The following NCLN variants were observed in gnomAD, a reference collection of about 807,000 sequenced individuals.
The protein encoded by NCLN is nicalin, also known as BOS complex subunit NCLN.
In NCLN, 34 loss-of-function variants were observed where a neutral mutation model predicts 69.5. That is an observed-to-expected ratio of 0.49 (90% CI 0.37 to 0.65). The LOEUF is 0.65. Ranked by LOEUF, NCLN falls within the 30% of genes least tolerant of loss-of-function variation. NCLN has a pLI of 0.00. For missense variants in NCLN, 710 were observed against 804.8 expected (o/e 0.88, Z 1.42); for synonymous variants, 393 against 358.3 (o/e 1.10, Z -1.09).
At chr19:3,196,357 C>A in intron 4 of NCLN, 80 bp downstream of exon 4, 2 of 1,065,872 alleles carry the variant, frequency 1.9e-6, no homozygotes, top group Non-Finnish European at 2.7e-6. Flanking sequence ...CTCGGCCGTA[C>A]TAGAGGGGAG....
chr19:3,200,700 C>T (rs757909176), intron 5 of NCLN, among the ~76,000 whole-genome samples: 1 of 152,118 alleles, frequency 6.6e-6, no homozygotes, highest in Middle Eastern at 3.2e-3. Flanking sequence ...TGTACGGTCT[C>T]CACCTCTAAT....
rs1170339246 is a variant in NCLN at position 3,205,848 on chromosome 19, T to A, written c.1209-91T>A. 8 of 1,111,138 alleles carry A rather than the reference T, an allele frequency of 7.2e-6. No homozygotes were observed. The highest frequency in any genetic ancestry group is 1.1e-5 in the Non-Finnish European group (8 of 740,266). 68.8% of individuals were successfully genotyped at this position (1,111,138 alleles called of 1,614,324 possible). ...TTTTTAAAGACAGAGTCTCACGGTC[T>A]CCTAGGCTGGAGTGCTGGGATTACA... On this transcript the variant is annotated intron_variant, in intron 9 of 14. Transcript: ENST00000246117. The surrounding 1 kb of genome is among the most constrained non-coding windows in gnomAD (Gnocchi z 4.6).
At chr19:3,206,066 G>GCCCTGCC in intron 10 of NCLN, 40 bp downstream of exon 10, 3 of 1,592,430 alleles carry the variant, frequency 1.9e-6, no homozygotes, top group Non-Finnish European at 2.6e-6. Flanking sequence ...CCCAGCCCCA[G>GCCCTGCC]CCCTGCCCCC....
intron 7 of NCLN, 22 bp from the exon 8 acceptor site, chr19:3,203,983 G>A (rs372275414): frequency 2.6e-5 from 41 of 1,551,120 alleles, no homozygotes; most frequent in Non-Finnish European, 2.8e-5. Context: ...CACCCACCCC[G>A]CCAGCTCTCG....
chr19:3,206,335 A>G lies in NCLN; in HGVS notation c.1409A>G (p.Asp470Gly), dbSNP rs1599360299. 1 of 1,548,330 alleles carries G rather than the reference A, an allele frequency of 6.5e-7. No homozygotes were observed. The highest frequency in any genetic ancestry group is 8.7e-7 in the Non-Finnish European group (1 of 1,146,934). Residue 470 changes from aspartate (D) to glycine (G), a missense_variant, in exon 12 of 15, where the codon GAC (aspartate) becomes GGC (glycine). Physicochemically the swap from Asp to Gly is moderately conservative, Grantham distance 94. Coordinates refer to ENST00000246117, the MANE Select transcript of NCLN (RefSeq NM_020170.4). ...TNQPRAAQLV[D>G]KDSTFLSTLE... is the part of the protein sequence containing the mutation. ...CAGCCGCGGGCCGCGCAGCTGGTGG[A>G]CAAGGACAGCACCTTCCTCAGCACG...
In NCLN at chr19:3,205,356, A is replaced by G. The variant is rs910483689; in HGVS notation, c.1209-583A>G. On this transcript the variant is annotated intron_variant, in intron 9 of 14. Coordinates refer to ENST00000246117, the MANE Select transcript of NCLN (RefSeq NM_020170.4). The surrounding 1 kb of genome is among the most constrained non-coding windows in gnomAD (Gnocchi z 4.6). ...CGGCATAGATCCTTCCCGTTCATCCACTCTGCTCTGCGGTCACTGGGCCCT... is the reference window on the plus strand; with the variant it reads ...CGGCATAGATCCTTCCCGTTCATCCGCTCTGCTCTGCGGTCACTGGGCCCT... Among the ~76,000 whole-genome samples, 5 of 151,806 alleles carry G rather than the reference A, an allele frequency of 3.3e-5. No homozygotes were observed. The highest frequency in any genetic ancestry group is 5.9e-5 in the Non-Finnish European group (4 of 67,902).
rs1179721441 is a variant in NCLN, at chr19:3,206,432, C to T, written c.1499+7C>T. On this transcript the variant is annotated splice_region_variant and intron_variant, in intron 12 of 14. Coordinates refer to ENST00000246117, the MANE Select transcript of NCLN (RefSeq NM_020170.4). The stretch of plus-strand genomic sequence containing the variant: ...ACGTCAAGGCTGACAAGCGGTGAGG[C>T]TGGGGCTCCGCGCTGGCCCCGTTCA... 1.3e-6 allele frequency: 2 copies of T among 1,544,278 alleles called. No homozygotes were observed. Among genetic ancestry groups the T allele is most frequent in the East Asian group, 2.4e-5 (1 of 40,900 alleles).
intron 4 of NCLN, among the ~76,000 whole-genome samples, chr19:3,197,809 C>T (rs1309348066): frequency 6.6e-6 from 1 of 152,084 alleles, no homozygotes; most frequent in African/African-American, 2.4e-5. Context: ...TTGGTAGAGA[C>T]GGGGTTTCAC....
At position 3,209,145 on chromosome 19, in the gene NCLN, C is replaced by T. The variant is rs1916365807; in HGVS notation, c.*1457C>T. 6.6e-6 allele frequency: 1 copy of T among 152,256 alleles called. No homozygotes were observed. The highest frequency in any genetic ancestry group is 2.1e-4 in the South Asian group (1 of 4,832). 9.4% of individuals were successfully genotyped at this position (152,256 alleles called of 1,614,324 possible). A position where few individuals can be genotyped will look rare whatever the true frequency, so the allele number is the denominator to read the frequency against. ...GTCCAGATAGGACCAGGGGGTCTCA[C>T]TTTGGCCACCAGTTCTTCGGCCAGC... On this transcript the variant is annotated 3_prime_UTR_variant, in exon 15 of 15. Transcript: ENST00000246117.
chr19:3,191,978 C>T (rs1915837811), intron 1 of NCLN, among the ~76,000 whole-genome samples: 2 of 152,050 alleles, frequency 1.3e-5, no homozygotes, highest in African/African-American at 2.4e-5. Context: ...CACCTGGGGT[C>T]GGGAGTTTGA....
At chr19:3,200,089 GAGGGCC>G (rs1202890272) in intron 5 of NCLN, among the ~76,000 whole-genome samples, 1 of 151,936 alleles carries the variant, frequency 6.6e-6, no homozygotes, top group Non-Finnish European at 1.5e-5. Flanking sequence ...CGACCCCTTG[GAGGGCC>G]AGGCCCCCAG....
At position 3,192,405 on chromosome 19, in the gene NCLN, G is replaced by C. The variant is rs2144898588; in HGVS notation, c.185-65G>C. The C allele has an allele frequency of 1.1e-5, 15 of 1,388,486 alleles. No homozygotes were observed. In the South Asian group the frequency reaches 2.0e-4, roughly 19 times the overall value. 86.0% of individuals were successfully genotyped at this position (1,388,486 alleles called of 1,614,324 possible). A position where few individuals can be genotyped will look rare whatever the true frequency, so the allele number is the denominator to read the frequency against. On this transcript the variant is annotated intron_variant, in intron 1 of 14. Coordinates refer to ENST00000246117, the MANE Select transcript of NCLN (RefSeq NM_020170.4). ...GGCTGCTGAGTGGGTCCCTGGCCTGGATCTGTCCCCTCCCGTCGGCCTGGC... is the reference window on the plus strand; with the variant it reads ...GGCTGCTGAGTGGGTCCCTGGCCTGCATCTGTCCCCTCCCGTCGGCCTGGC...
intron 1 of NCLN, among the ~76,000 whole-genome samples, chr19:3,187,448 C>T (rs934350962): frequency 2.0e-5 from 3 of 152,232 alleles, no homozygotes; most frequent in Admixed American, 6.5e-5. Context: ...CCTCTCGTCA[C>T]ATCTCAGGCT....
chr19:3,190,408 G>GTGTCCCGCC (rs977378675), intron 1 of NCLN, among the ~76,000 whole-genome samples: 19 of 152,076 alleles, frequency 1.2e-4, no homozygotes, highest in Non-Finnish European at 2.8e-4. Context: ...CCTGAGACCT[G>GTGTCCCGCC]TGTCCCGCCT....
intron 1 of NCLN, among the ~76,000 whole-genome samples, chr19:3,190,740 C>T (rs982566952): frequency 6.7e-6 from 1 of 148,614 alleles, no homozygotes; most frequent in Non-Finnish European, 1.5e-5. Flanking sequence ...CCGCCCCCGG[C>T]CCCCCTGCGT....
In NCLN at chr19:3,203,743, T is replaced by G; in HGVS notation, c.801-13T>G. 1 of 1,605,910 alleles carries G rather than the reference T, an allele frequency of 6.2e-7. No homozygotes were observed. The highest frequency in any genetic ancestry group is 8.5e-7 in the Non-Finnish European group (1 of 1,176,570). On this transcript the variant is annotated splice_polypyrimidine_tract_variant and intron_variant, in intron 6 of 14. Coordinates refer to ENST00000246117, the MANE Select transcript of NCLN (RefSeq NM_020170.4). ...CTTGCCCGTCAAAGCTAACACTGGG[T>G]CTTCCCTCCCAGCTACAACCTCCTG...
intron 5 of NCLN, 76 bp from the exon 6 acceptor site, chr19:3,201,447 G>A (rs1294958822): frequency 2.9e-6 from 3 of 1,027,712 alleles, no homozygotes; most frequent in Middle Eastern, 4.3e-4. Context: ...GATGACTGTG[G>A]CTGCTGTGGG....
chr19:3,193,271 G>A lies in NCLN; in HGVS notation c.376-13G>A. 1 of 1,604,808 alleles carries A rather than the reference G, an allele frequency of 6.2e-7. No homozygotes were observed. Among genetic ancestry groups the A allele is most frequent in the Non-Finnish European group, 8.5e-7 (1 of 1,177,302 alleles). ...CAGGCCAGCAGCCCCCTAAGTGTGT[G>A]TCTGCTCCACAGCAATTCATGGAGA... is the stretch of plus-strand genomic sequence containing the variant. On this transcript the variant is annotated splice_polypyrimidine_tract_variant and intron_variant, in intron 2 of 14. Coordinates refer to ENST00000246117, the MANE Select transcript of NCLN (RefSeq NM_020170.4).
intron 1 of NCLN, among the ~76,000 whole-genome samples, chr19:3,188,313 T>G (rs1417501916): frequency 6.6e-6 from 1 of 152,036 alleles, no homozygotes; most frequent in African/African-American, 2.4e-5. Context: ...ACACTGTCCC[T>G]GGGCAGATGT....
Sources: allele counts gnomAD v4.1 joint callset (sites outside exome capture counted in the v4.1 genomes callset), GRCh38; gene constraint gnomAD v4.1.1; non-coding constraint Gnocchi (gnomAD v3.1); transcripts MANE v1.5; gene names NCBI Gene and HGNC (gene_info 2026-07-23, HGNC 2026-07-21).